EXOC6B: variants seen among roughly 807,000 people sequenced by gnomAD.
The protein encoded by EXOC6B is exocyst complex component 6B.
Under a neutral mutation model 113.5 loss-of-function variants are expected in EXOC6B, and 54 were observed. That is an observed-to-expected ratio of 0.48 (90% CI 0.38 to 0.60). EXOC6B has a LOEUF of 0.60. EXOC6B is among the 20% of genes least tolerant of loss of function. EXOC6B has a pLI of 0.00. For synonymous variants in EXOC6B, 357 were observed against 339.0 expected, an observed-to-expected ratio of 1.05 and a Z score of -0.58; for missense variants, 797 against 977.5, an observed-to-expected ratio of 0.82 and a Z score of 2.46.
At chr2:72,464,145 AG>A (rs1697886088) in intron 18 of EXOC6B, 1 of 152,154 alleles carries the variant, frequency 6.6e-6, no homozygotes, top group Non-Finnish European at 1.5e-5. Flanking sequence ...ATCACATAGG[AG>A]CTGAAACCTC....
chr2:72,708,361 G>C (rs1219766005), intron 6 of EXOC6B, among the ~76,000 whole-genome samples: 3 of 152,128 alleles, frequency 2.0e-5, no homozygotes, highest in Non-Finnish European at 2.9e-5. Context: ...AGAACTTTAA[G>C]CTGATGGAAA....
At chr2:72,192,992 C>T (rs768558666) in intron 20 of EXOC6B, among the ~76,000 whole-genome samples, 13 of 152,294 alleles carry the variant, frequency 8.5e-5, no homozygotes, top group Non-Finnish European at 1.3e-4. Context: ...AAAGTGCAGT[C>T]CACTTTCACT....
intron 17 of EXOC6B, among the ~76,000 whole-genome samples, chr2:72,479,610 A>G (rs927465701): frequency 1.3e-5 from 2 of 152,232 alleles, no homozygotes; most frequent in Non-Finnish European, 2.9e-5. Flanking sequence ...CCATATAAGT[A>G]GCCTATATGT....
rs116031622 is a variant in EXOC6B at position 72,343,336 on chromosome 2, G to A, written c.2123-8316C>T. 6.8e-3 allele frequency among the ~76,000 whole-genome samples: 1,033 copies of A among 152,210 alleles called. 13 individuals carry two copies. Among genetic ancestry groups the A allele is most frequent in the African/African-American group, 0.023 (963 of 41,526 alleles). On this transcript the variant is annotated intron_variant, in intron 19 of 21. Coordinates refer to ENST00000272427, the MANE Select transcript of EXOC6B (RefSeq NM_015189.3). ...CAGCTGCTTGGGAGGCTGAGGCACA[G>A]GAATTGCTTGAACCCAGAAGGTGGA... is the stretch of plus-strand genomic sequence containing the variant.
At chr2:72,190,566 T>C (rs928240209) in intron 20 of EXOC6B, among the ~76,000 whole-genome samples, 2 of 152,222 alleles carry the variant, frequency 1.3e-5, no homozygotes, top group Non-Finnish European at 2.9e-5. Flanking sequence ...CACTTCTTTC[T>C]ACATATTTCC....
At chr2:72,251,468 T>C (rs776247930) in intron 20 of EXOC6B, among the ~76,000 whole-genome samples, 21 of 152,210 alleles carry the variant, frequency 1.4e-4, no homozygotes, top group Non-Finnish European at 2.8e-4. Context: ...TCCACTGTTA[T>C]TCACGTGAAA....
intron 8 of EXOC6B, among the ~76,000 whole-genome samples, chr2:72,555,877 C>G (rs1161872466): frequency 6.6e-6 from 1 of 152,146 alleles, no homozygotes; most frequent in African/African-American, 2.4e-5. Context: ...AACTCCTGAC[C>G]TCAAGCAATC....
rs190726374 is a variant in EXOC6B, at chr2:72,221,284, A to G, written c.2197-37097T>C. ...TACAACGAGTTTCTACTTGTGAAAAATAAGACTAAAGGACTCTACGTTAGT... is the reference window on the plus strand; with the variant it reads ...TACAACGAGTTTCTACTTGTGAAAAGTAAGACTAAAGGACTCTACGTTAGT... On this transcript the variant is annotated intron_variant, in intron 20 of 21. Coordinates refer to ENST00000272427, the MANE Select transcript of EXOC6B (RefSeq NM_015189.3). 1.1e-3 allele frequency among the ~76,000 whole-genome samples: 168 copies of G among 152,342 alleles called. 1 individual carries two copies. The highest frequency in any genetic ancestry group is 3.9e-3 in the African/African-American group (163 of 41,572).
At chr2:72,794,538 C>T (rs1277318818) in intron 1 of EXOC6B, among the ~76,000 whole-genome samples, 1 of 152,106 alleles carries the variant, frequency 6.6e-6, no homozygotes, top group African/African-American at 2.4e-5. Context: ...TTTATAAATA[C>T]CTATGTCCTC....
intron 5 of EXOC6B, among the ~76,000 whole-genome samples, chr2:72,724,293 A>T (rs973649011): frequency 6.6e-6 from 1 of 152,212 alleles, no homozygotes; most frequent in Admixed American, 6.5e-5. Context: ...AACTCTGAAC[A>T]GTCAAAATGA....
chr2:72,590,846 G>A (rs1379444316), intron 6 of EXOC6B, among the ~76,000 whole-genome samples: 2 of 151,928 alleles, frequency 1.3e-5, no homozygotes, highest in Non-Finnish European at 2.9e-5. Context: ...ACCTATGAAA[G>A]ACCAAACAAA....
intron 1 of EXOC6B, among the ~76,000 whole-genome samples, chr2:72,767,450 T>C (rs1033935495): frequency 1.4e-4 from 22 of 151,788 alleles, no homozygotes; most frequent in Non-Finnish European, 4.4e-5. Context: ...TTATAATATA[T>C]ATTTCCCTTG....
chr2:72,590,322 C>T (rs754675330), intron 6 of EXOC6B, among the ~76,000 whole-genome samples: 1 of 151,842 alleles, frequency 6.6e-6, no homozygotes, highest in African/African-American at 2.4e-5. Flanking sequence ...AGTTTATAAA[C>T]ATAAGTAGAA....
chr2:72,515,180 A>C, intron 8 of EXOC6B, 54 bp from the exon 9 acceptor site: 1 of 1,476,500 alleles, frequency 6.8e-7, no homozygotes, highest in East Asian at 2.4e-5. Context: ...TTACTCTTTT[A>C]TTTCAAGGGA....
chr2:72,184,746 A>T (rs1389427959), intron 20 of EXOC6B, among the ~76,000 whole-genome samples: 1 of 152,252 alleles, frequency 6.6e-6, no homozygotes, highest in Non-Finnish European at 1.5e-5. Context: ...CAAATAGGAC[A>T]CACAGATAAC....
chr2:72,490,007 A>G (rs905162182), intron 16 of EXOC6B, among the ~76,000 whole-genome samples: 6 of 152,096 alleles, frequency 3.9e-5, no homozygotes, highest in Admixed American at 2.6e-4. Context: ...GCAGAGAGAC[A>G]TTTGTCTATA....
chr2:72,346,694 G>T (rs1689357286), intron 19 of EXOC6B, among the ~76,000 whole-genome samples: 2 of 152,098 alleles, frequency 1.3e-5, no homozygotes, highest in African/African-American at 4.8e-5. Context: ...GACTATTTTA[G>T]CTATATTCAC....
intron 8 of EXOC6B, among the ~76,000 whole-genome samples, chr2:72,542,238 C>G (rs1174957898): frequency 2.0e-5 from 3 of 151,918 alleles, no homozygotes; most frequent in African/African-American, 7.3e-5. Context: ...TGAGAATAAC[C>G]CAGAATTCTA....
chr2:72,362,844 C>T (rs1690404507), intron 19 of EXOC6B, among the ~76,000 whole-genome samples: 1 of 152,088 alleles, frequency 6.6e-6, no homozygotes, highest in Non-Finnish European at 1.5e-5. Context: ...TAGAGTAGGG[C>T]CCACATATAT....
Sources: allele counts gnomAD v4.1 joint callset (sites outside exome capture counted in the v4.1 genomes callset), GRCh38; gene constraint gnomAD v4.1.1; transcripts MANE v1.5; gene names NCBI Gene and HGNC (gene_info 2026-07-23, HGNC 2026-07-21).